Variants in NHSL2 observed in about 807,000 individuals in gnomAD.
NHSL2 encodes NHS-like protein 2.
A neutral mutation model predicts 53.4 loss-of-function variants in NHSL2; 27 were observed. The observed-to-expected ratio is 0.51, with a 90% CI of 0.37 to 0.70. The LOEUF is 0.70. Among genes scored for constraint, NHSL2 ranks in the 30% least tolerant of loss-of-function variants. NHSL2 has a pLI of 0.00. For missense variants in NHSL2, 892 were observed against 980.1 expected (o/e 0.91, Z 1.20); for synonymous variants, 408 against 404.1 (o/e 1.01, Z -0.12).
intron 1 of NHSL2, among the ~76,000 whole-genome samples, chrX:72,096,731 G>A (rs766935314): frequency 8.9e-6 from 1 of 111,737 alleles, no homozygotes; most frequent in Non-Finnish European, 1.9e-5. Context: ...TTTGTGTTGG[G>A]AACATTCAGT....
At chrX:71,918,532 C>T (rs919074142) in intron 1 of NHSL2, among the ~76,000 whole-genome samples, 2 of 111,275 alleles carry the variant, frequency 1.8e-5, no homozygotes, top group African/African-American at 6.5e-5. Context: ...TCAAATTATT[C>T]CCCCAGACTA....
intron 1 of NHSL2, among the ~76,000 whole-genome samples, chrX:72,016,900 G>A (rs1195289826): frequency 1.8e-5 from 2 of 112,206 alleles, no homozygotes; most frequent in Non-Finnish European, 3.8e-5. Context: ...TCACAGAAGG[G>A]AGTGAAGAGT....
rs1315465288 is a variant in NHSL2, at chrX:72,140,207, A to G, written c.2659A>G (p.Lys887Glu). ...CCGGAGGCCTCCAAGCTTGGTCCAC[A>G]AGCCACCATCTGTTCCTGAGGAGTA... ...VARRPPSLVH[K>E]PPSVPEEYAL... Residue 887 changes from lysine to glutamate, a missense_variant, in exon 6 of 8, where the codon AAG (lysine) becomes GAG (glutamate). Coordinates refer to ENST00000633930, the MANE Select transcript of NHSL2 (RefSeq NM_001013627.3). 1 of 1,208,242 alleles carries G rather than the reference A, an allele frequency of 8.3e-7. No homozygotes were observed. Among genetic ancestry groups the G allele is most frequent in the Non-Finnish European group, 1.1e-6 (1 of 894,494 alleles).
intron 1 of NHSL2, among the ~76,000 whole-genome samples, chrX:71,969,300 T>C (rs1435598879): frequency 9.7e-6 from 1 of 102,823 alleles, no homozygotes; most frequent in African/African-American, 3.7e-5. Flanking sequence ...ACGGTTTTCT[T>C]TTTTTCTTTT....
chrX:72,045,011 C>A, intron 1 of NHSL2: 1 of 504,606 alleles, frequency 2.0e-6, no homozygotes, highest in Non-Finnish European at 3.4e-6. Context: ...ACTGATGTGG[C>A]ACTGGCTGCA....
At chrX:71,987,322 T>C (rs2042007459) in intron 1 of NHSL2, among the ~76,000 whole-genome samples, 1 of 112,794 alleles carries the variant, frequency 8.9e-6, no homozygotes, top group African/African-American at 3.2e-5. Context: ...TAAGCCATTG[T>C]AGTTAGGTAC....
At chrX:72,066,855 T>A (rs2042433191) in intron 1 of NHSL2, among the ~76,000 whole-genome samples, 1 of 112,028 alleles carries the variant, frequency 8.9e-6, no homozygotes, top group Non-Finnish European at 1.9e-5. Flanking sequence ...TGAGGCTGGA[T>A]GTGATAGCTC....
rs187743092 is a variant in NHSL2 at position 71,911,275 on chromosome X, G to A, written c.188G>A (p.Arg63His). 1.4e-3 allele frequency: 1,572 copies of A among 1,141,082 alleles called. 33 individuals are homozygous for A. The East Asian group carries it at 0.049, about 36-fold the overall frequency. 94.0% of individuals were successfully genotyped at this position (1,141,082 alleles called of 1,213,427 possible). Residue 63 changes from arginine (R) to histidine (H), a missense_variant, in exon 1 of 8, where the codon CGC becomes CAC. By Grantham distance (29) the Arg-to-His change is conservative. Transcript: ENST00000633930. ...DLEGHLLALG[R>H]RTDSLYRRTV... ...GAGGGGCACCTGCTGGCCCTGGGGC[G>A]CCGCACAGACAGCCTGTACCGGCGC...
chrX:72,091,655 G>C (rs1490936589), intron 1 of NHSL2, among the ~76,000 whole-genome samples: 1 of 110,946 alleles, frequency 9.0e-6, no homozygotes, highest in Non-Finnish European at 1.9e-5. Flanking sequence ...TGTGGTCAGG[G>C]AAGGCAGAGA....
chrX:72,126,776 G>C (rs1014447714), intron 1 of NHSL2, among the ~76,000 whole-genome samples: 3 of 111,822 alleles, frequency 2.7e-5, no homozygotes, highest in Non-Finnish European at 5.6e-5. Context: ...AAAGCGGAAG[G>C]GCCCTCCCCA....
chrX:71,916,702 G>A (rs1393762152), intron 1 of NHSL2, among the ~76,000 whole-genome samples: 1 of 111,837 alleles, frequency 8.9e-6, no homozygotes, highest in African/African-American at 3.3e-5. Context: ...CCGGTTTGGC[G>A]TCCAAAGATG....
rs771829785 is a variant in NHSL2 at position 72,042,935 on chromosome X, G to A, written c.281-89144G>A. Among the ~76,000 whole-genome samples, 5 of 111,284 alleles carry A rather than the reference G, an allele frequency of 4.5e-5. No homozygotes were observed. In the East Asian group the frequency reaches 1.4e-3, roughly 31 times the overall value. On this transcript the variant is annotated intron_variant, in intron 1 of 7. Transcript: ENST00000633930. ...TAATTTAAGGTTCTCCCACACCCAA[G>A]TCAGGTAGCTTTCCTGTTCAGAAGT...
At chrX:71,942,058 T>G (rs2041768634) in intron 1 of NHSL2, among the ~76,000 whole-genome samples, 2 of 104,202 alleles carry the variant, frequency 1.9e-5, no homozygotes, top group Non-Finnish European at 3.9e-5. Context: ...GCTAGAGGAG[T>G]GGGGGTGGAT....
At chrX:72,045,677 A>G (rs1224315985) in intron 1 of NHSL2, among the ~76,000 whole-genome samples, 2 of 112,375 alleles carry the variant, frequency 1.8e-5, no homozygotes. Context: ...TTGAGCAGGA[A>G]GAAGGGCTTT....
At chrX:72,029,969 G>GA (rs1179558254) in intron 1 of NHSL2, among the ~76,000 whole-genome samples, 7 of 110,046 alleles carry the variant, frequency 6.4e-5, no homozygotes, top group African/African-American at 9.9e-5. Context: ...TACTATTAAA[G>GA]AAAAAAAAAG....
intron 1 of NHSL2, among the ~76,000 whole-genome samples, chrX:72,061,992 T>C (rs2042401749): frequency 8.9e-6 from 1 of 112,518 alleles, no homozygotes. Flanking sequence ...ACTTGGTTAT[T>C]GTCTGTCTCC....
intron 1 of NHSL2, among the ~76,000 whole-genome samples, chrX:72,039,611 C>T (rs1222699258): frequency 9.0e-6 from 1 of 111,663 alleles, no homozygotes; most frequent in Non-Finnish European, 1.9e-5. Context: ...GATGGGAGCT[C>T]GTTGCACCAG....
chrX:71,915,432 C>G (rs1298096600), intron 1 of NHSL2, among the ~76,000 whole-genome samples: 2 of 111,862 alleles, frequency 1.8e-5, no homozygotes, highest in African/African-American at 6.5e-5. Context: ...GGTACCTGTC[C>G]AAAGGCACCC....
At chrX:72,085,574 A>T (rs1386069350) in intron 1 of NHSL2, among the ~76,000 whole-genome samples, 2 of 111,776 alleles carry the variant, frequency 1.8e-5, no homozygotes, top group Non-Finnish European at 3.8e-5. Flanking sequence ...TAAGGGGGGA[A>T]ATACAGGTAT....
Sources: gnomAD v4.1 joint callset for allele counts (sites outside exome capture counted in the v4.1 genomes callset) on GRCh38, gnomAD v4.1.1 for gene constraint, MANE v1.5 for transcripts, NCBI Gene and HGNC (gene_info 2026-07-23, HGNC 2026-07-21) for gene names.